ERG: variants seen among roughly 807,000 people sequenced by gnomAD.
ERG encodes the protein transcriptional regulator ERG.
Under a neutral mutation model 55.3 loss-of-function variants are expected in ERG, and 9 were observed. That is an observed-to-expected ratio of 0.16 (90% CI 0.10 to 0.28). The LOEUF (loss-of-function observed/expected upper bound fraction) is 0.28. ERG is among the 10% of genes least tolerant of loss of function. The pLI, the probability that ERG is intolerant of heterozygous loss-of-function variation, is 1.00. For synonymous variants in ERG, 223 were observed against 237.3 expected (o/e 0.94, Z 0.55); for missense variants, 434 against 631.6 (o/e 0.69, Z 3.35).
chr21:38,580,580 C>T (rs1374013615), intron 1 of ERG, among the ~76,000 whole-genome samples: 5 of 152,086 alleles, frequency 3.3e-5, no homozygotes, highest in Admixed American at 2.0e-4. Context: ...GTATATACTT[C>T]CATATGATTT....
intron 2 of ERG, among the ~76,000 whole-genome samples, chr21:38,551,158 G>T (rs2059821719): frequency 6.7e-6 from 1 of 149,212 alleles, no homozygotes; most frequent in Non-Finnish European, 1.5e-5. Flanking sequence ...AGTCTCTGAG[G>T]TTTTTTTTTT....
intron 1 of ERG, among the ~76,000 whole-genome samples, chr21:38,462,534 C>T (rs149750054): frequency 6.6e-6 from 1 of 152,290 alleles, no homozygotes; most frequent in Admixed American, 6.5e-5. Context: ...TTATGAAGAA[C>T]ATATTTTCAG....
chr21:38,638,859 C>T (rs1487200994), intron 1 of ERG, among the ~76,000 whole-genome samples: 2 of 152,086 alleles, frequency 1.3e-5, no homozygotes, highest in Non-Finnish European at 2.9e-5. Flanking sequence ...CCATCCTGTG[C>T]CTAGCAGGTA....
upstream of ERG, among the ~76,000 whole-genome samples, chr21:38,589,554 A>G (rs1050104404): frequency 2.6e-5 from 4 of 152,218 alleles, no homozygotes; most frequent in Non-Finnish European, 4.4e-5. Flanking sequence ...GGCACATGAT[A>G]TAATTCTGGT....
exon 2 of ERG, chr21:38,575,743 G>C: frequency 6.2e-7 from 1 of 1,612,744 alleles, no homozygotes; most frequent in Non-Finnish European, 8.5e-7. Flanking sequence ...TTCAGAACCT[G>C]ACGGCTAGAA....
intron 2 of ERG, among the ~76,000 whole-genome samples, chr21:38,440,684 G>A (rs780636476): frequency 6.6e-6 from 1 of 151,542 alleles, no homozygotes; most frequent in Non-Finnish European, 1.5e-5. Context: ...AGCCACTCGG[G>A]AGGCTGAGGC....
At chr21:38,427,040 G>A (rs1231857396) in intron 2 of ERG, among the ~76,000 whole-genome samples, 1 of 152,052 alleles carries the variant, frequency 6.6e-6, no homozygotes, top group Non-Finnish European at 1.5e-5. Context: ...TCATATCCGA[G>A]GACAAGAACT....
intron 1 of ERG, among the ~76,000 whole-genome samples, chr21:38,581,992 G>A (rs980520932): frequency 2.7e-5 from 4 of 146,016 alleles, no homozygotes; most frequent in Admixed American, 6.9e-5. Flanking sequence ...GCAGTGAGCC[G>A]AGATCGTGCC....
intron 2 of ERG, among the ~76,000 whole-genome samples, chr21:38,556,497 TTTG>T (rs2059859129): frequency 1.3e-5 from 2 of 152,136 alleles, no homozygotes; most frequent in African/African-American, 4.8e-5. Context: ...TCTGCAGCCT[TTTG>T]TGGATACAAA....
intron 1 of ERG, among the ~76,000 whole-genome samples, chr21:38,626,446 G>A (rs1294048421): frequency 6.6e-6 from 1 of 152,166 alleles, no homozygotes; most frequent in East Asian, 1.9e-4. Flanking sequence ...ATCAGTATGA[G>A]CTCAGTGCTC....
intron 9 of ERG, 103 bp downstream of exon 9, chr21:38,390,891 AT>A: frequency 1.1e-6 from 1 of 888,574 alleles, no homozygotes; most frequent in East Asian, 2.4e-5. Flanking sequence ...TAAAACTAAA[AT>A]CTGTTCAGTT....
At chr21:38,389,983 T>G (rs1487504295) in intron 9 of ERG, among the ~76,000 whole-genome samples, 1 of 152,238 alleles carries the variant, frequency 6.6e-6, no homozygotes, top group Non-Finnish European at 1.5e-5. Flanking sequence ...AAATCTTAAT[T>G]ATTCCATTTC....
At chr21:38,445,266 C>T (rs754724663) in intron 2 of ERG, 138 bp downstream of exon 2, 14 of 676,860 alleles carry the variant, frequency 2.1e-5, no homozygotes, top group African/African-American at 7.2e-5. Flanking sequence ...CTCAGGCTCC[C>T]GAGTAGCTGG....
At position 38,381,711 on chromosome 21, in the gene ERG, CTGAACTAGAAT is replaced by C. The variant is rs1441481817; in HGVS notation, c.*1681_*1691del. On this transcript the variant is annotated 3_prime_UTR_variant, in exon 10 of 10. Coordinates refer to ENST00000288319, the MANE Select transcript of ERG (RefSeq NM_182918.4). ...ATTAAGGGTGATTTGTGACCAGGTG[CTGAACTAGAAT>C]TTCTCAATGACAACCCCAGCTTCAT... The C allele has an allele frequency of 8.5e-6, 9 of 1,063,292 alleles. No homozygotes were observed. Among genetic ancestry groups the C allele is most frequent in the African/African-American group, 4.9e-5 (3 of 60,948 alleles). 65.9% of individuals were successfully genotyped at this position (1,063,292 alleles called of 1,614,324 possible). A position where few individuals can be genotyped will look rare whatever the true frequency, so the allele number is the denominator to read the frequency against.
rs377514689 is a variant in ERG at position 38,469,570 on chromosome 21, C to T, written c.19-23949G>A. 1.9e-4 allele frequency among the ~76,000 whole-genome samples: 29 copies of T among 152,288 alleles called. No individual in the cohort carries two copies. In the East Asian group the frequency reaches 2.7e-3, roughly 14 times the overall value. ...GTATTAACTGCTTTGGGCTATTCTC[C>T]TTCTTTCCTTTCAGGCAATATTAAT... On this transcript the variant is annotated intron_variant, in intron 1 of 9. Transcript: ENST00000288319.
At chr21:38,643,010 T>C (rs1256549569) in intron 1 of ERG, among the ~76,000 whole-genome samples, 1 of 152,204 alleles carries the variant, frequency 6.6e-6, no homozygotes, top group Non-Finnish European at 1.5e-5. Flanking sequence ...GCCTACTCTT[T>C]TCTTAGCGCC....
intron 3 of ERG, among the ~76,000 whole-genome samples, chr21:38,417,903 A>G (rs1412356271): frequency 2.6e-5 from 4 of 152,214 alleles, no homozygotes; most frequent in Non-Finnish European, 5.9e-5. Context: ...AGCATTTTGC[A>G]ACTTTTAAGA....
intron 1 of ERG, among the ~76,000 whole-genome samples, chr21:38,581,039 AAC>A (rs2060025332): frequency 6.6e-6 from 1 of 152,210 alleles, no homozygotes; most frequent in Non-Finnish European, 1.5e-5. Context: ...GACCCAGGGA[AAC>A]ACACACAAGA....
At chr21:38,518,010 G>T (rs1163092383) in intron 2 of ERG, among the ~76,000 whole-genome samples, 1 of 152,084 alleles carries the variant, frequency 6.6e-6, no homozygotes, top group Non-Finnish European at 1.5e-5. Flanking sequence ...CATACAGTTA[G>T]ATAGAAGGAA....
Sources: gnomAD v4.1 joint callset for allele counts (sites outside exome capture counted in the v4.1 genomes callset) on GRCh38, gnomAD v4.1.1 for gene constraint, MANE v1.5 for transcripts, NCBI Gene and HGNC (gene_info 2026-07-23, HGNC 2026-07-21) for gene names.